Variants in DEUP1 observed in about 807,000 individuals in gnomAD.
DEUP1 encodes deuterosome assembly protein 1.
A neutral mutation model predicts 87.4 loss-of-function variants in DEUP1; 82 were observed. The observed-to-expected ratio is 0.94, with a 90% confidence interval of 0.78 to 1.13. The LOEUF is 1.13. Ranked by LOEUF, DEUP1 falls within the 50% of genes most tolerant of loss-of-function variation. The pLI is 0.00. For missense variants in DEUP1, 663 were observed against 681.5 expected (o/e 0.97, Z 0.30); for synonymous variants, 214 against 222.7 (o/e 0.96, Z 0.35).
chr11:93,376,473 G>A (rs553201623), intron 7 of DEUP1, among the ~76,000 whole-genome samples: 1 of 152,002 alleles, frequency 6.6e-6, no homozygotes, highest in African/African-American at 2.4e-5. Flanking sequence ...AATATCTCCT[G>A]TTTCATTTCT....
chr11:93,408,882 A>C (rs999778420), intron 12 of DEUP1, among the ~76,000 whole-genome samples: 13 of 151,816 alleles, frequency 8.6e-5, no homozygotes, highest in Admixed American at 5.2e-4. Context: ...TTTGAGATGG[A>C]GTCTCGCTCT....
chr11:93,379,521 A>T (rs1946199066), intron 7 of DEUP1, among the ~76,000 whole-genome samples: 1 of 152,190 alleles, frequency 6.6e-6, no homozygotes. Flanking sequence ...TGCTTCTCAC[A>T]CTTATCACAA....
chr11:93,365,690 T>C lies in DEUP1; in HGVS notation c.432+1396T>C, dbSNP rs563316186. Among the ~76,000 whole-genome samples the C allele has an allele frequency of 8.5e-5, 13 of 152,358 alleles. No homozygotes were observed. The South Asian group carries it at 2.3e-3, about 27-fold the overall frequency. On this transcript the variant is annotated intron_variant, in intron 5 of 13. Coordinates refer to ENST00000298050, the MANE Select transcript of DEUP1 (RefSeq NM_181645.4). Reference sequence around the variant, plus strand: ...TATGTAATGAAATTATAGTGGAAATTAGTAGCAAAATATTTTGATATGTTT... The same window carrying C: ...TATGTAATGAAATTATAGTGGAAATCAGTAGCAAAATATTTTGATATGTTT...
At chr11:93,420,270 C>A (rs1947831066) in intron 13 of DEUP1, among the ~76,000 whole-genome samples, 1 of 151,984 alleles carries the variant, frequency 6.6e-6, no homozygotes, top group Admixed American at 6.5e-5. Flanking sequence ...ATACGCAAAT[C>A]AATAAATGTA....
intron 11 of DEUP1, 151 bp from the exon 12 acceptor site, chr11:93,408,080 G>A (rs1947333644): frequency 3.5e-6 from 2 of 563,384 alleles, no homozygotes; most frequent in Non-Finnish European, 6.1e-6. Context: ...GTGAGGGGGT[G>A]GAAAGGAGCA....
intron 13 of DEUP1, among the ~76,000 whole-genome samples, chr11:93,431,876 G>A (rs1316098928): frequency 1.3e-5 from 2 of 152,154 alleles, no homozygotes; most frequent in African/African-American, 2.4e-5. Flanking sequence ...ACCACTTTCC[G>A]ACATGGGAAG....
upstream of DEUP1, chr11:93,330,497 G>C (rs3133444): frequency 0.76 from 116,260 of 152,680 alleles, 44,437 homozygotes; most frequent in Admixed American, 0.82. Flanking sequence ...CCGAGGAGCC[G>C]CACAGGGCAG....
intron 2 of DEUP1, among the ~76,000 whole-genome samples, chr11:93,348,005 G>T (rs778951417): frequency 2.6e-5 from 4 of 152,150 alleles, no homozygotes; most frequent in Non-Finnish European, 5.9e-5. Context: ...CTCCCAAAGC[G>T]CCGGGATTAC....
At chr11:93,352,940 A>G (rs1443767307) in intron 2 of DEUP1, among the ~76,000 whole-genome samples, 1 of 152,028 alleles carries the variant, frequency 6.6e-6, no homozygotes, top group Non-Finnish European at 1.5e-5. Flanking sequence ...TATCATTCCA[A>G]CCCTGGCCCC....
intron 4 of DEUP1, among the ~76,000 whole-genome samples, chr11:93,362,364 T>C (rs1214769192): frequency 2.0e-5 from 3 of 151,796 alleles, no homozygotes; most frequent in Admixed American, 1.3e-4. Flanking sequence ...TAATTAATAA[T>C]AAAAAGACAG....
chr11:93,341,254 C>CAA (rs200524561), intron 2 of DEUP1, among the ~76,000 whole-genome samples: 3 of 136,216 alleles, frequency 2.2e-5, no homozygotes, highest in Admixed American at 7.5e-5. Context: ...CCTGTCTCTA[C>CAA]AAAAAAAAAA....
At chr11:93,420,146 A>G (rs1303015437) in intron 13 of DEUP1, among the ~76,000 whole-genome samples, 1 of 152,238 alleles carries the variant, frequency 6.6e-6, no homozygotes, top group Non-Finnish European at 1.5e-5. Flanking sequence ...CTTGATGAAC[A>G]TTGATGCAAA....
In DEUP1 at chr11:93,408,439, C is replaced by G; in HGVS notation, c.1523+12C>G. 1 of 1,475,720 alleles carries G rather than the reference C, an allele frequency of 6.8e-7. No individual in the cohort carries two copies. Among genetic ancestry groups the G allele is most frequent in the Non-Finnish European group, 9.1e-7 (1 of 1,094,982 alleles). The allele number at this position is 1,475,720 out of a possible 1,614,324, so 91.4% of individuals were successfully genotyped here. A position where few individuals can be genotyped will look rare whatever the true frequency, so the allele number is the denominator to read the frequency against. On this transcript the variant is annotated intron_variant, in intron 12 of 13. Transcript: ENST00000298050. ...CAAAATGAAGAGAGGTATGCTGGCT[C>G]CATTATATAAGGGCATAAGTTTAAA... is the stretch of plus-strand genomic sequence containing the variant.
rs76638887 is a variant in DEUP1, at chr11:93,344,966, C to T, written c.30-10405C>T. Among the ~76,000 whole-genome samples the T allele has an allele frequency of 4.2e-4, 64 of 151,892 alleles. No homozygotes were observed. The East Asian group carries it at 7.2e-3, about 17-fold the overall frequency. ...ATTATTTCATCATCCACATACTAAG[C>T]CTGGGACCCATTAGTTATTTTTCCT... On this transcript the variant is annotated intron_variant, in intron 2 of 13. Transcript: ENST00000298050.
chr11:93,354,855 A>C (rs1466464201), intron 2 of DEUP1, among the ~76,000 whole-genome samples: 1 of 152,162 alleles, frequency 6.6e-6, no homozygotes, highest in East Asian at 1.9e-4. Flanking sequence ...CAGCCAAACT[A>C]TATCACTGCC....
intron 5 of DEUP1, among the ~76,000 whole-genome samples, chr11:93,365,331 A>T (rs1398409763): frequency 6.6e-6 from 1 of 152,076 alleles, no homozygotes; most frequent in Non-Finnish European, 1.5e-5. Context: ...ATAGTTTTTT[A>T]AAAAAACAAA....
Position 93,332,099 on chromosome 11 carries a change from G to C in DEUP1, c.-44-117G>C, listed in dbSNP as rs369794167. Reference sequence around the variant, plus strand: ...AGGTTTCTATATTTTGTAGGATCAAGAGCTACTACACAGAAAAACTCATAC... The same window carrying C: ...AGGTTTCTATATTTTGTAGGATCAACAGCTACTACACAGAAAAACTCATAC... On this transcript the variant is annotated intron_variant, in intron 1 of 13. Coordinates refer to ENST00000298050, the MANE Select transcript of DEUP1 (RefSeq NM_181645.4). 4.7e-4 allele frequency: 263 copies of C among 564,012 alleles called. 1 individual carries two copies. The South Asian group carries it at 6.8e-3, about 15-fold the overall frequency. 34.9% of individuals were successfully genotyped at this position (564,012 alleles called of 1,614,324 possible). A position where few individuals can be genotyped will look rare whatever the true frequency, so the allele number is the denominator to read the frequency against.
At chr11:93,354,268 C>A (rs749103827) in intron 2 of DEUP1, among the ~76,000 whole-genome samples, 7 of 152,150 alleles carry the variant, frequency 4.6e-5, no homozygotes, top group Non-Finnish European at 8.8e-5. Context: ...CAGTTCCCAA[C>A]AAGTTCCTCA....
At chr11:93,372,650 C>T (rs1024037527) in intron 7 of DEUP1, among the ~76,000 whole-genome samples, 19 of 152,328 alleles carry the variant, frequency 1.2e-4, no homozygotes, top group African/African-American at 4.6e-4. Context: ...CAGTCTCTCC[C>T]ATTCAGAGGC....
Sources: gnomAD v4.1 joint callset for allele counts (sites outside exome capture counted in the v4.1 genomes callset) on GRCh38, gnomAD v4.1.1 for gene constraint, MANE v1.5 for transcripts, NCBI Gene and HGNC (gene_info 2026-07-23, HGNC 2026-07-21) for gene names.